Variants in GLB1 observed in about 807,000 individuals in gnomAD.
GLB1 encodes galactosidase beta 1.
A neutral mutation model predicts 74.0 loss-of-function variants in GLB1; 56 were observed. The ratio of observed to expected loss-of-function variants is 0.76; its 90% confidence interval spans 0.61 to 0.94. The LOEUF (loss-of-function observed/expected upper bound fraction) is 0.94, where lower values mean the gene tolerates loss of function less well. Among genes scored for constraint, GLB1 ranks in the 40% least tolerant of loss-of-function variants. The pLI is 0.00. For synonymous variants in GLB1, 323 were observed against 323.6 expected (o/e 1.00, Z 0.02); for missense variants, 787 against 845.5 (o/e 0.93, Z 0.86).
At chr3:33,068,053 TTTTTTGTA>T (rs1260308493) in intron 4 of GLB1, among the ~76,000 whole-genome samples, 169 bp downstream of exon 4, 3 of 152,096 alleles carry the variant, frequency 2.0e-5, no homozygotes, top group African/African-American at 7.2e-5. Flanking sequence ...GCCCAGCTAA[TTTTTTGTA>T]TTTTTAGTAG....
rs747968048 is a variant in GLB1, at chr3:33,051,718, A to AT, written c.955+39dup. The AT allele has an allele frequency of 3.1e-6, 5 of 1,613,992 alleles. No homozygotes were observed. The African/African-American group carries it at 6.7e-5, about 22-fold the overall frequency. On this transcript the variant is annotated intron_variant, in intron 9 of 15. Transcript: ENST00000307363. ...CCTCCTCAAATTAATCAACAGAAAC[A>AT]TTCTAGCATAAGTTTCTACAGATAT...
At chr3:33,023,755 C>T (rs893692143) in intron 11 of GLB1, among the ~76,000 whole-genome samples, 3 of 152,206 alleles carry the variant, frequency 2.0e-5, no homozygotes, top group East Asian at 1.9e-4. Context: ...TCTAGCTTTT[C>T]CCCCAGTGTC....
chr3:32,965,562 T>A, the GLB1 span, among the ~76,000 whole-genome samples: 1 of 151,892 alleles, frequency 6.6e-6, no homozygotes, highest in Admixed American at 6.6e-5. Context: ...TGCCGACTGA[T>A]GATTTAATAG....
chr3:33,034,545 C>T (rs1452319632), intron 10 of GLB1: 2 of 728,498 alleles, frequency 2.7e-6, no homozygotes, highest in Non-Finnish European at 5.1e-6. Context: ...GCCAGCTGCT[C>T]CTGGGATGGT....
intron 4 of GLB1, 126 bp downstream of exon 4, chr3:33,068,104 C>G: frequency 7.2e-7 from 1 of 1,389,020 alleles, no homozygotes; most frequent in Non-Finnish European, 1.0e-6. Flanking sequence ...CCAGCCTGGT[C>G]TCGAACTCCC....
At chr3:33,041,310 G>A (rs1698489070) in intron 10 of GLB1, among the ~76,000 whole-genome samples, 1 of 152,198 alleles carries the variant, frequency 6.6e-6, no homozygotes, top group African/African-American at 2.4e-5. Context: ...TGACTTCTCA[G>A]CAGCAACAAT....
chr3:32,977,439 C>G, the GLB1 span, among the ~76,000 whole-genome samples: 15 of 152,078 alleles, frequency 9.9e-5, no homozygotes, highest in African/African-American at 3.6e-4. Context: ...AACTCCTGAC[C>G]TCAAGTGATC....
At chr3:33,043,573 G>A (rs145707657) in intron 10 of GLB1, among the ~76,000 whole-genome samples, 217 of 151,966 alleles carry the variant, frequency 1.4e-3, no homozygotes, top group African/African-American at 4.8e-3. Flanking sequence ...AAAGGTAAAC[G>A]AATAGAAATT....
At chr3:33,094,813 G>A (rs1350322704) in intron 1 of GLB1, among the ~76,000 whole-genome samples, 1 of 152,140 alleles carries the variant, frequency 6.6e-6, no homozygotes, top group Non-Finnish European at 1.5e-5. Flanking sequence ...GTAAAACAGT[G>A]CAACTCTTCA....
intron 15 of GLB1, among the ~76,000 whole-genome samples, chr3:33,000,514 G>A (rs2125446553): frequency 6.6e-6 from 1 of 152,266 alleles, no homozygotes; most frequent in South Asian, 2.1e-4. Context: ...ATCACTTGGG[G>A]TCAGGAGTTC....
chr3:33,068,410 G>A, intron 3 of GLB1, 120 bp from the exon 4 acceptor site: 1 of 1,358,764 alleles, frequency 7.4e-7, no homozygotes, highest in East Asian at 2.5e-5. Flanking sequence ...AGGGGTATTT[G>A]AGCTGGGCTT....
intron 9 of GLB1, 125 bp downstream of exon 9, chr3:33,051,633 A>C: frequency 7.3e-7 from 1 of 1,377,746 alleles, no homozygotes; most frequent in South Asian, 1.4e-5. Flanking sequence ...AAAGAAAAAA[A>C]AAGAAAATTT....
chr3:33,011,105 TCTCGGC>T (rs1207705083), intron 15 of GLB1, among the ~76,000 whole-genome samples: 2 of 152,048 alleles, frequency 1.3e-5, no homozygotes, highest in Non-Finnish European at 2.9e-5. Flanking sequence ...GATCCACCCG[TCTCGGC>T]CTCCCAAAGT....
intron 14 of GLB1, among the ~76,000 whole-genome samples, chr3:33,014,883 C>T (rs1390923231): frequency 6.6e-6 from 1 of 152,214 alleles, no homozygotes; most frequent in African/African-American, 2.4e-5. Context: ...ATGAGAATCG[C>T]TTGAACCTGA....
At chr3:33,054,098 A>T (rs1405427076) in intron 6 of GLB1, among the ~76,000 whole-genome samples, 1 of 152,194 alleles carries the variant, frequency 6.6e-6, no homozygotes, top group Non-Finnish European at 1.5e-5. Flanking sequence ...GTGAGGGCAC[A>T]GCAAGAAGGC....
At chr3:33,087,424 G>T (rs1700551676) in intron 1 of GLB1, among the ~76,000 whole-genome samples, 1 of 152,052 alleles carries the variant, frequency 6.6e-6, no homozygotes, top group Admixed American at 6.6e-5. Flanking sequence ...ACAAAAATTA[G>T]CCGGGTGTGG....
the GLB1 span, among the ~76,000 whole-genome samples, chr3:32,984,728 C>G: frequency 1.2e-3 from 181 of 151,628 alleles, 3 homozygotes; most frequent in South Asian, 0.036. Flanking sequence ...TTGAGACCAT[C>G]CTGGCTAACA....
chr3:33,082,986 A>C (rs529818996), intron 1 of GLB1, among the ~76,000 whole-genome samples: 1 of 152,336 alleles, frequency 6.6e-6, no homozygotes, highest in East Asian at 1.9e-4. Context: ...GTAAACAGGG[A>C]CAGTCCACTT....
intron 13 of GLB1, among the ~76,000 whole-genome samples, chr3:33,017,756 A>G (rs1697293884): frequency 1.3e-5 from 2 of 152,252 alleles, no homozygotes; most frequent in Admixed American, 6.5e-5. Context: ...AACTTTGTAC[A>G]GTGGCAGGTA....
Sources: gnomAD v4.1 joint callset for allele counts (sites outside exome capture counted in the v4.1 genomes callset) on GRCh38, gnomAD v4.1.1 for gene constraint, MANE v1.5 for transcripts, NCBI Gene and HGNC (gene_info 2026-07-23, HGNC 2026-07-21) for gene names.